Variants in ZMYM1 observed in about 807,000 individuals in gnomAD.
ZMYM1 encodes the protein zinc finger MYM-type containing 1.
In ZMYM1, 39 loss-of-function variants were observed where a neutral mutation model predicts 60.0. That is an observed-to-expected ratio of 0.65 (90% CI 0.50 to 0.85). The LOEUF (loss-of-function observed/expected upper bound fraction) is 0.85. Ranked by LOEUF, ZMYM1 falls within the 40% of genes least tolerant of loss-of-function variation. The pLI is 0.00. For synonymous variants in ZMYM1, 413 were observed against 454.0 expected (o/e 0.91, Z 1.15); for missense variants, 1,171 against 1,309.5 (o/e 0.89, Z 1.63).
upstream of ZMYM1, among the ~76,000 whole-genome samples, chr1:35,076,299 A>G (rs1299468643): frequency 1.3e-5 from 2 of 152,090 alleles, no homozygotes; most frequent in Non-Finnish European, 2.9e-5. Flanking sequence ...TGGCAAATTG[A>G]TTTTACCCAT....
intron 4 of ZMYM1, 76 bp downstream of exon 4, chr1:35,097,642 A>G (rs1388802200): frequency 7.1e-6 from 11 of 1,559,130 alleles, no homozygotes; most frequent in African/African-American, 1.4e-5. Flanking sequence ...TAATTTCTAC[A>G]TTTTCTTTTT....
intron 6 of ZMYM1, 53 bp downstream of exon 6, chr1:35,104,822 AC>A: frequency 1.3e-6 from 2 of 1,485,538 alleles, no homozygotes; most frequent in Non-Finnish European, 1.9e-6. Flanking sequence ...GAATGGTTTC[AC>A]TCTAGGAAAA....
At position 35,096,551 on chromosome 1, in the gene ZMYM1, A is replaced by G. The variant is rs1240051925; in HGVS notation, c.169+660A>G. ...GCGGGAGGTTTTTTTTTTTTTTCTG[A>G]GATGGAGTTTCCGCTCTTGTTGCCC... On this transcript the variant is annotated intron_variant, in intron 3 of 9. Coordinates refer to ENST00000359858, the MANE Select transcript of ZMYM1 (RefSeq NM_024772.5). 9.3e-5 allele frequency among the ~76,000 whole-genome samples: 13 copies of G among 139,150 alleles called. No individual in the cohort carries two copies. The Admixed American group carries it at 9.4e-4, about 10-fold the overall frequency. 91.3% of individuals were successfully genotyped at this position (139,150 alleles called of 152,430 possible).
chr1:35,095,936 G>T, intron 3 of ZMYM1, 45 bp downstream of exon 3: 3 of 1,360,564 alleles, frequency 2.2e-6, no homozygotes, highest in South Asian at 2.5e-5. Context: ...AGACCAATAC[G>T]ACAGCTGATT....
chr1:35,118,656 G>A (rs1380174421), downstream of ZMYM1, among the ~76,000 whole-genome samples: 4 of 151,640 alleles, frequency 2.6e-5, no homozygotes, highest in East Asian at 2.0e-4. Flanking sequence ...GCAGTGAGCC[G>A]GGATCGCACC....
upstream of ZMYM1, among the ~76,000 whole-genome samples, chr1:35,077,618 A>T (rs1642189355): frequency 6.6e-6 from 1 of 152,142 alleles, no homozygotes; most frequent in Non-Finnish European, 1.5e-5. Context: ...CCAGATAGAT[A>T]AACAGGCTCA....
chr1:35,110,155 G>A (rs1196292721), intron 6 of ZMYM1, 139 bp from the exon 7 acceptor site: 4 of 560,112 alleles, frequency 7.1e-6, no homozygotes, highest in African/African-American at 5.9e-5. Context: ...AATCTGTAGT[G>A]TCTTTTTAAG....
chr1:35,080,095 T>C (rs1642294255), intron 1 of ZMYM1, among the ~76,000 whole-genome samples: 1 of 50,262 alleles, frequency 2.0e-5, no homozygotes, highest in South Asian at 6.2e-4. Flanking sequence ...CGAGACCCCG[T>C]CTCAAAAAAA....
chr1:35,068,418 CAAAA>C (rs58187268), intron 1 of ZMYM1, among the ~76,000 whole-genome samples: 1 of 62,578 alleles, frequency 1.6e-5, no homozygotes, highest in African/African-American at 4.2e-5. Context: ...AACTCTGCCT[CAAAA>C]AAAAAAAAAA....
At chr1:35,068,639 C>CA (rs765098508) in intron 1 of ZMYM1, among the ~76,000 whole-genome samples, 7,652 of 137,548 alleles carry the variant, frequency 0.056, 447 homozygotes, top group East Asian at 0.37. Context: ...AATCCATACG[C>CA]AAAAAAAAAA....
At chr1:35,064,525 A>G (rs550856676) in intron 1 of ZMYM1, among the ~76,000 whole-genome samples, 3 of 152,078 alleles carry the variant, frequency 2.0e-5, no homozygotes, top group Non-Finnish European at 2.9e-5. Context: ...CATGAGGAAC[A>G]TTTACCGAAA....
intron 4 of ZMYM1, among the ~76,000 whole-genome samples, chr1:35,103,852 G>C (rs1643783466): frequency 6.6e-6 from 1 of 152,192 alleles, no homozygotes; most frequent in South Asian, 2.1e-4. Context: ...ATAGATTCTA[G>C]AGTTGCTCAT....
intron 9 of ZMYM1, 122 bp from the exon 10 acceptor site, chr1:35,112,855 C>T: frequency 2.4e-6 from 2 of 824,014 alleles, no homozygotes; most frequent in South Asian, 8.5e-5. Context: ...AACGTTTCCC[C>T]CTAGTGGAGC....
upstream of ZMYM1, among the ~76,000 whole-genome samples, chr1:35,078,366 T>C (rs146344161): frequency 2.7e-3 from 411 of 152,148 alleles, 2 homozygotes; most frequent in African/African-American, 9.4e-3. Flanking sequence ...AATTGTCAAA[T>C]ATGATTATAA....
rs775864345 is a variant in ZMYM1, at chr1:35,095,811, C to A, written c.97-8C>A. On this transcript the variant is annotated splice_polypyrimidine_tract_variant and splice_region_variant and intron_variant, in intron 2 of 9. Coordinates refer to ENST00000359858, the MANE Select transcript of ZMYM1 (RefSeq NM_024772.5). Reference sequence around the variant, plus strand: ...TATTTTTAATTATTATTTTTTTTTTCTTTTTAGGAGTATTGTCATAGGCAA... The same window carrying A: ...TATTTTTAATTATTATTTTTTTTTTATTTTTAGGAGTATTGTCATAGGCAA... 34 of 1,520,732 alleles carry A rather than the reference C, an allele frequency of 2.2e-5. No individual in the cohort carries two copies. The highest frequency in any genetic ancestry group is 1.3e-4 in the South Asian group (10 of 75,840). The allele number at this position is 1,520,732 out of a possible 1,614,324, so 94.2% of individuals were successfully genotyped here.
intron 1 of ZMYM1, among the ~76,000 whole-genome samples, chr1:35,069,404 CTT>C (rs1642030585): frequency 6.6e-6 from 1 of 152,118 alleles, no homozygotes; most frequent in Admixed American, 6.6e-5. Flanking sequence ...AGAAATGTCT[CTT>C]AAGTTATCTT....
chr1:35,083,236 C>A (rs1642482919), intron 1 of ZMYM1, among the ~76,000 whole-genome samples: 1 of 151,784 alleles, frequency 6.6e-6, no homozygotes, highest in Non-Finnish European at 1.5e-5. Flanking sequence ...ACTGTAGCCT[C>A]ACCCTCCCGG....
chr1:35,118,602 G>A (rs1176962517), downstream of ZMYM1, among the ~76,000 whole-genome samples: 2 of 152,066 alleles, frequency 1.3e-5, no homozygotes, highest in Non-Finnish European at 2.9e-5. Context: ...AGCTACTGGG[G>A]AGGCTGAGGC....
intron 1 of ZMYM1, among the ~76,000 whole-genome samples, chr1:35,091,787 G>A (rs949042701): frequency 3.3e-5 from 5 of 149,688 alleles, no homozygotes; most frequent in African/African-American, 1.2e-4. Flanking sequence ...TCCCAGCTAC[G>A]TGGGAGACTA....
Sources: allele counts gnomAD v4.1 joint callset (sites outside exome capture counted in the v4.1 genomes callset), GRCh38; gene constraint gnomAD v4.1.1; transcripts MANE v1.5; gene names NCBI Gene and HGNC (gene_info 2026-07-23, HGNC 2026-07-21).